CCNB3: variants seen among roughly 807,000 people sequenced by gnomAD.
CCNB3 encodes the protein G2/mitotic-specific cyclin-B3.
Under a neutral mutation model 68.0 loss-of-function variants are expected in CCNB3, and 12 were observed. The observed-to-expected ratio is 0.18, with a 90% CI of 0.11 to 0.29. CCNB3 has a LOEUF of 0.29. CCNB3 is among the 10% of genes least tolerant of loss of function. The pLI, the probability that CCNB3 is intolerant of heterozygous loss-of-function variation, is 1.00. For missense variants in CCNB3, 904 were observed against 993.1 expected, an observed-to-expected ratio of 0.91 and a Z score of 1.21; for synonymous variants, 354 against 388.9, an observed-to-expected ratio of 0.91 and a Z score of 1.06.
rs782236511 is a variant in CCNB3 at position 50,306,446 on chromosome X, G to A, written c.336-2059G>A. ...ACAGATATTTTTACTTTTCCAAACT[G>A]GATGACTTTTATTTAGTTTTCTTGC... On this transcript the variant is annotated intron_variant, in intron 5 of 12. Coordinates refer to ENST00000376042, the MANE Select transcript of CCNB3 (RefSeq NM_033031.3). Among the ~76,000 whole-genome samples, 24 of 111,617 alleles carry A rather than the reference G, an allele frequency of 2.2e-4. No individual in the cohort carries two copies. In the South Asian group the frequency reaches 8.7e-3, roughly 40 times the overall value.
At chrX:50,280,526 T>A (rs1324438675) in intron 1 of CCNB3, among the ~76,000 whole-genome samples, 4 of 108,951 alleles carry the variant, frequency 3.7e-5, no homozygotes, top group Non-Finnish European at 5.7e-5. Flanking sequence ...AGGTAGCACG[T>A]TTTGAATTAA....
At chrX:50,296,113 T>C (rs1936453431) in intron 5 of CCNB3, among the ~76,000 whole-genome samples, 1 of 111,501 alleles carries the variant, frequency 9.0e-6, no homozygotes, top group Admixed American at 9.6e-5. Flanking sequence ...TTTATTTTTT[T>C]ATGTTTCTTT....
At chrX:50,209,893 T>A (rs1193871484) in intron 1 of CCNB3, among the ~76,000 whole-genome samples, 2 of 111,865 alleles carry the variant, frequency 1.8e-5, no homozygotes, top group African/African-American at 3.2e-5. Flanking sequence ...ATTCCCTACC[T>A]TATGCTTGCA....
At chrX:50,311,941 A>G (rs1242223844) in intron 6 of CCNB3, among the ~76,000 whole-genome samples, 2 of 110,714 alleles carry the variant, frequency 1.8e-5, no homozygotes, top group Non-Finnish European at 1.9e-5. Flanking sequence ...TGGGCTTTGC[A>G]ATAGTGGCCA....
At chrX:50,224,180 T>C (rs955831409) in intron 1 of CCNB3, among the ~76,000 whole-genome samples, 234 of 111,692 alleles carry the variant, frequency 2.1e-3, no homozygotes, top group African/African-American at 6.5e-3. Flanking sequence ...ATTATAAAAA[T>C]ATTCTTTTAT....
chrX:50,311,136 C>A lies in CCNB3; in HGVS notation c.2967C>A (p.Ser989=). 8.3e-7 allele frequency: 1 copy of A among 1,209,375 alleles called. No homozygotes were observed. Among genetic ancestry groups the A allele is most frequent in the African/African-American group, 1.8e-5 (1 of 57,109 alleles). Residue 989 remains serine (S), a synonymous_variant, in exon 6 of 13, where the codon TCC becomes TCA. Transcript: ENST00000376042. ...CCCCTGAATCCATAACCAGCAAGTCCAGCATTGCTACCATGACCAGTGTGG... is the reference window on the plus strand; with the variant it reads ...CCCCTGAATCCATAACCAGCAAGTCAAGCATTGCTACCATGACCAGTGTGG... ...STAPESITSK[S]SIATMTSVGK...
At chrX:50,225,852 G>C (rs1935746824) in intron 1 of CCNB3, among the ~76,000 whole-genome samples, 1 of 105,576 alleles carries the variant, frequency 9.5e-6, no homozygotes, top group Admixed American at 1.1e-4. Flanking sequence ...CATCCAAGTG[G>C]AGATGTGGAG....
rs1409621892 is a variant in CCNB3, at chrX:50,317,567, G to GTATGTATGTATGTATT, written c.3516+3622_3516+3623insGTATGTATGTATTTAT. The stretch of plus-strand genomic sequence containing the variant: ...TTTATGTATGTATGTATGTATGTAT[G>GTATGTATGTATGTATT]TATTTATTTATTTATTTATGAGATG... On this transcript the variant is annotated intron_variant, in intron 8 of 12. Coordinates refer to ENST00000376042, the MANE Select transcript of CCNB3 (RefSeq NM_033031.3). 6.6e-3 allele frequency among the ~76,000 whole-genome samples: 713 copies of GTATGTATGTATGTATT among 108,354 alleles called. 8 individuals are homozygous for GTATGTATGTATGTATT. Among genetic ancestry groups the GTATGTATGTATGTATT allele is most frequent in the African/African-American group, 0.022 (641 of 28,815 alleles). The allele number at this position is 108,354 out of a possible 115,157, so 94.1% of individuals were successfully genotyped here. A position where few individuals can be genotyped will look rare whatever the true frequency, so the allele number is the denominator to read the frequency against.
At chrX:50,327,618 G>T (rs1398091253) in intron 8 of CCNB3, among the ~76,000 whole-genome samples, 1 of 112,231 alleles carries the variant, frequency 8.9e-6, no homozygotes, top group East Asian at 2.8e-4. Flanking sequence ...TATCCTTAGA[G>T]AACTGCTGCT....
rs5961140 is a variant in CCNB3 at position 50,295,606 on chromosome X, A to G, written c.335+613A>G. ...TAATCTACATCTGAATAGATTAGAT[A>G]GCTGGCTATTACAGGGCTAAAGTCA... is the stretch of plus-strand genomic sequence containing the variant. On this transcript the variant is annotated intron_variant, in intron 5 of 12. Coordinates refer to ENST00000376042, the MANE Select transcript of CCNB3 (RefSeq NM_033031.3). Among the ~76,000 whole-genome samples, 623 of 111,857 alleles carry G rather than the reference A, an allele frequency of 5.6e-3. 2 individuals are homozygous for G. Among genetic ancestry groups the G allele is most frequent in the Middle Eastern group, 0.028 (6 of 217 alleles).
chrX:50,217,267 G>GTTT (rs1220524134), intron 1 of CCNB3, among the ~76,000 whole-genome samples: 15 of 29,704 alleles, frequency 5.0e-4, no homozygotes, highest in African/African-American at 8.2e-4. Context: ...CTTCACTCTT[G>GTTT]TTTTTTTTTT....
At chrX:50,210,758 C>T (rs978418713) in intron 1 of CCNB3, among the ~76,000 whole-genome samples, 76 of 111,615 alleles carry the variant, frequency 6.8e-4, no homozygotes, top group African/African-American at 2.2e-3. Flanking sequence ...ATACTGTCTG[C>T]AGGGAATGAT....
chrX:50,280,062 T>C (rs1337836098), intron 1 of CCNB3, among the ~76,000 whole-genome samples: 9 of 81,800 alleles, frequency 1.1e-4, no homozygotes, highest in Non-Finnish European at 1.8e-4. Flanking sequence ...TAAATATATA[T>C]GGAATATATA....
chrX:50,288,678 C>T, intron 3 of CCNB3, 102 bp from the exon 4 acceptor site: 1 of 497,864 alleles, frequency 2.0e-6, no homozygotes, highest in Admixed American at 3.4e-5. Context: ...TCCTCAGTTA[C>T]TCTGAGGTTC....
Position 50,351,587 on chromosome X carries a change from G to T in CCNB3, c.4092-20G>T, listed in dbSNP as rs782187373. 2.5e-6 allele frequency: 3 copies of T among 1,187,023 alleles called. No homozygotes were observed. The highest frequency in any genetic ancestry group is 3.4e-6 in the Non-Finnish European group (3 of 873,665). On this transcript the variant is annotated intron_variant, in intron 12 of 12. Coordinates refer to ENST00000376042, the MANE Select transcript of CCNB3 (RefSeq NM_033031.3). ...TATTTGCCCTATTCTATGCTGAGGAGACCCCTCTTCCTTTTGCAGGGTCTT... is the reference window on the plus strand; with the variant it reads ...TATTTGCCCTATTCTATGCTGAGGATACCCCTCTTCCTTTTGCAGGGTCTT...
intron 11 of CCNB3, among the ~76,000 whole-genome samples, chrX:50,350,697 C>CTT (rs1411092639): frequency 0.046 from 4,586 of 99,729 alleles, 278 homozygotes; most frequent in African/African-American, 0.16. Flanking sequence ...GGGCTAATAT[C>CTT]TTTTTTTTTT....
Position 50,279,845 on chromosome X carries a change from A to C in CCNB3, c.-112-4697A>C, listed in dbSNP as rs1330958390. Among the ~76,000 whole-genome samples the C allele has an allele frequency of 3.4e-4, 30 of 88,031 alleles. 1 individual carries two copies. Among genetic ancestry groups the C allele is most frequent in the Non-Finnish European group, 2.5e-4 (12 of 47,927 alleles). 76.4% of individuals were successfully genotyped at this position (88,031 alleles called of 115,157 possible). On this transcript the variant is annotated intron_variant, in intron 1 of 12. Coordinates refer to ENST00000376042, the MANE Select transcript of CCNB3 (RefSeq NM_033031.3). ...TTTATATAAATACATATACTTTATA[A>C]ATATAAAATATATATACTATATATA...
At chrX:50,210,899 A>G (rs1935471324) in intron 1 of CCNB3, among the ~76,000 whole-genome samples, 1 of 110,439 alleles carries the variant, frequency 9.1e-6, no homozygotes, top group African/African-American at 3.4e-5. Flanking sequence ...CTTAGCCTTT[A>G]ATCAGATTTT....
At chrX:50,293,790 T>C (rs1936393774) in intron 4 of CCNB3, among the ~76,000 whole-genome samples, 2 of 112,059 alleles carry the variant, frequency 1.8e-5, no homozygotes, top group South Asian at 7.4e-4. Flanking sequence ...TGAGGATGTA[T>C]ACTTTGAAGG....
Sources: gnomAD v4.1 joint callset for allele counts (sites outside exome capture counted in the v4.1 genomes callset) on GRCh38, gnomAD v4.1.1 for gene constraint, MANE v1.5 for transcripts, NCBI Gene and HGNC (gene_info 2026-07-23, HGNC 2026-07-21) for gene names.